Variants in STAU2 observed in about 807,000 individuals in gnomAD.
The protein encoded by STAU2 is staufen double-stranded RNA binding protein 2, also known as double-stranded RNA-binding protein Staufen homolog 2.
STAU2 carries 20 observed loss-of-function variants against 65.9 expected under a neutral mutation model. The ratio of observed to expected loss-of-function variants is 0.30; its 90% CI spans 0.21 to 0.44. The LOEUF is 0.44. STAU2 is among the 20% of genes least tolerant of loss of function. The pLI is 1.00. For synonymous variants in STAU2, 232 were observed against 233.9 expected, an observed-to-expected ratio of 0.99 and a Z score of 0.07; for missense variants, 558 against 683.9, an observed-to-expected ratio of 0.82 and a Z score of 2.05.
intron 10 of STAU2, among the ~76,000 whole-genome samples, chr8:73,597,487 T>C (rs1811276108): frequency 6.9e-6 from 1 of 144,676 alleles, no homozygotes; most frequent in Admixed American, 6.9e-5. Flanking sequence ...AACCCTGTCT[T>C]ACTAAAAATA....
intron 13 of STAU2, among the ~76,000 whole-genome samples, chr8:73,432,723 T>C (rs574641819): frequency 1.6e-4 from 25 of 152,344 alleles, no homozygotes; most frequent in African/African-American, 6.0e-4. Flanking sequence ...AATTTCATTA[T>C]AGCCTGCACT....
Position 73,685,279 on chromosome 8 carries a change from A to G in STAU2, c.274+3375T>C, listed in dbSNP as rs557281879. 2.6e-5 allele frequency among the ~76,000 whole-genome samples: 4 copies of G among 152,326 alleles called. No individual in the cohort carries two copies. In the East Asian group the frequency reaches 7.7e-4, roughly 29 times the overall value. On this transcript the variant is annotated intron_variant, in intron 5 of 14. Transcript: ENST00000524300. ...AAGTTCTTTATAGCAGTGTGAGAACAGACTAACACACCACCTTACTCCTGC... is the reference window on the plus strand; with the variant it reads ...AAGTTCTTTATAGCAGTGTGAGAACGGACTAACACACCACCTTACTCCTGC...
intron 13 of STAU2, among the ~76,000 whole-genome samples, chr8:73,499,215 AT>A (rs1821601742): frequency 6.6e-6 from 1 of 151,788 alleles, no homozygotes; most frequent in Non-Finnish European, 1.5e-5. Flanking sequence ...TTTAAAATCA[AT>A]CAGTCTCTCC....
intron 13 of STAU2, among the ~76,000 whole-genome samples, chr8:73,502,645 CA>C (rs1821828348): frequency 6.6e-6 from 1 of 152,020 alleles, no homozygotes; most frequent in Non-Finnish European, 1.5e-5. Flanking sequence ...GTTCATCCTT[CA>C]AAGGTCACCT....
intron 6 of STAU2, among the ~76,000 whole-genome samples, chr8:73,654,718 G>A (rs1192198995): frequency 8.1e-5 from 7 of 85,996 alleles, no homozygotes; most frequent in Admixed American, 1.9e-4. Context: ...ACGGAGTTTC[G>A]CTCTGTCGCC....
At chr8:73,424,349 C>T (rs570863712) in intron 13 of STAU2, among the ~76,000 whole-genome samples, 96 of 152,012 alleles carry the variant, frequency 6.3e-4, no homozygotes, top group Middle Eastern at 3.4e-3. Context: ...TGCAGGCCTG[C>T]ACCACCACAC....
Position 73,582,849 on chromosome 8 carries a change from C to T in STAU2, c.1162-19G>A, listed in dbSNP as rs16938696. 0.06 allele frequency: 95,051 copies of T among 1,596,172 alleles called. 3,105 individuals carry two copies. Among genetic ancestry groups the T allele is most frequent in the Middle Eastern group, 0.098 (582 of 5,954 alleles). Reference sequence around the variant, plus strand: ...CCCCTGTCTGAAAGATTAAATCAATCGTTCAAATCCAGAGAAACAAGCTTA... The same window carrying T: ...CCCCTGTCTGAAAGATTAAATCAATTGTTCAAATCCAGAGAAACAAGCTTA... On this transcript the variant is annotated intron_variant, in intron 11 of 14. Coordinates refer to ENST00000524300, the MANE Select transcript of STAU2 (RefSeq NM_001164380.2).
At chr8:73,457,416 TCTTACATG>T (rs1489847556) in intron 13 of STAU2, among the ~76,000 whole-genome samples, 9 of 152,176 alleles carry the variant, frequency 5.9e-5, no homozygotes, top group African/African-American at 2.2e-4. Flanking sequence ...ACTCTTACAC[TCTTACATG>T]CATAGTTGAA....
intron 13 of STAU2, among the ~76,000 whole-genome samples, chr8:73,506,098 C>T (rs748708261): frequency 3.0e-4 from 46 of 152,264 alleles, no homozygotes; most frequent in Non-Finnish European, 5.1e-4. Flanking sequence ...CTAATGAACC[C>T]TATTTTCTTT....
chr8:73,587,969 C>CA (rs774627851), intron 11 of STAU2, among the ~76,000 whole-genome samples: 4 of 151,632 alleles, frequency 2.6e-5, no homozygotes, highest in Non-Finnish European at 5.9e-5. Flanking sequence ...TGATCAAATA[C>CA]AAAAAAGAGT....
intron 4 of STAU2, among the ~76,000 whole-genome samples, chr8:73,691,854 G>C (rs1365867708): frequency 1.3e-5 from 2 of 152,014 alleles, no homozygotes; most frequent in Non-Finnish European, 2.9e-5. Flanking sequence ...AAATTCCTTG[G>C]AATTTCCTGG....
chr8:73,602,599 G>A (rs1811712542), intron 10 of STAU2, among the ~76,000 whole-genome samples: 1 of 151,838 alleles, frequency 6.6e-6, no homozygotes. Flanking sequence ...GTGTATGCGT[G>A]TAATCCTAGG....
At chr8:73,672,901 G>GGAA in intron 6 of STAU2, 1 of 297,148 alleles carries the variant, frequency 3.4e-6, no homozygotes, top group East Asian at 5.9e-5. Context: ...TGGGGTAGGG[G>GGAA]AAAAAAAAAA....
intron 6 of STAU2, among the ~76,000 whole-genome samples, chr8:73,635,942 ACACACACACC>A (rs556369532): frequency 0.089 from 11,745 of 131,768 alleles, 582 homozygotes; most frequent in African/African-American, 0.14. Context: ...ACACACACAC[ACACACACACC>A]CCTGGAACCA....
chr8:73,579,259 A>G (rs181912377), intron 12 of STAU2, among the ~76,000 whole-genome samples: 2 of 152,332 alleles, frequency 1.3e-5, no homozygotes, highest in African/African-American at 4.8e-5. Context: ...AAGTGCCAGC[A>G]TATTTCACAG....
chr8:73,643,530 G>C (rs1049492611), intron 6 of STAU2, among the ~76,000 whole-genome samples: 2 of 152,080 alleles, frequency 1.3e-5, no homozygotes, highest in African/African-American at 4.8e-5. Flanking sequence ...TAATAGCTTC[G>C]AGCTAAGAGG....
chr8:73,457,729 G>A (rs1034001512), intron 13 of STAU2, among the ~76,000 whole-genome samples: 1 of 152,154 alleles, frequency 6.6e-6, no homozygotes, highest in African/African-American at 2.4e-5. Flanking sequence ...CCCTATTTTA[G>A]CTGTTTTTAT....
At chr8:73,445,465 G>A (rs2128892487) in intron 13 of STAU2, among the ~76,000 whole-genome samples, 1 of 152,266 alleles carries the variant, frequency 6.6e-6, no homozygotes, top group African/African-American at 2.4e-5. Context: ...AAAATTTTAA[G>A]CTTTATTTTT....
At chr8:73,638,158 A>T (rs1447878869) in intron 6 of STAU2, among the ~76,000 whole-genome samples, 2 of 152,036 alleles carry the variant, frequency 1.3e-5, no homozygotes, top group African/African-American at 4.8e-5. Context: ...ACTGGAATGC[A>T]GGGGTGGCAT....
Sources: allele counts gnomAD v4.1 joint callset (sites outside exome capture counted in the v4.1 genomes callset), GRCh38; gene constraint gnomAD v4.1.1; transcripts MANE v1.5; gene names NCBI Gene and HGNC (gene_info 2026-07-23, HGNC 2026-07-21).